Variants in DOK5 observed in about 807,000 individuals in gnomAD.
DOK5 encodes downstream of tyrosine kinase 5.
A neutral mutation model predicts 43.3 loss-of-function variants in DOK5; 27 were observed. The ratio of observed to expected loss-of-function variants is 0.62; its 90% CI spans 0.46 to 0.86. The LOEUF (loss-of-function observed/expected upper bound fraction) is 0.86. DOK5 is among the 40% of genes least tolerant of loss of function. The pLI, the probability that DOK5 is intolerant of heterozygous loss-of-function variation, is 0.00. For synonymous variants in DOK5, 146 were observed against 140.1 expected, an observed-to-expected ratio of 1.04 and a Z score of -0.30; for missense variants, 373 against 392.9, an observed-to-expected ratio of 0.95 and a Z score of 0.43.
At chr20:54,592,100 TAAA>T (rs1985993938) in intron 5 of DOK5, among the ~76,000 whole-genome samples, 1 of 152,192 alleles carries the variant, frequency 6.6e-6, no homozygotes, top group Admixed American at 6.5e-5. Context: ...GTAAAAATGT[TAAA>T]AAGGTACCAT....
chr20:54,616,951 G>A (rs149675884), intron 6 of DOK5, among the ~76,000 whole-genome samples: 176 of 151,718 alleles, frequency 1.2e-3, no homozygotes, highest in South Asian at 5.0e-3. Flanking sequence ...CACCACACCC[G>A]GCTAATTTTT....
At chr20:54,483,286 C>G (rs972429316) in intron 1 of DOK5, among the ~76,000 whole-genome samples, 2 of 152,118 alleles carry the variant, frequency 1.3e-5, no homozygotes, top group African/African-American at 4.8e-5. Context: ...ATTTTTAAAG[C>G]AGCTTTGTAA....
intron 1 of DOK5, among the ~76,000 whole-genome samples, chr20:54,515,066 A>T (rs1267198482): frequency 6.6e-6 from 1 of 151,872 alleles, no homozygotes; most frequent in Non-Finnish European, 1.5e-5. Context: ...GCTGGAGTGC[A>T]ATGGTGCGAT....
At chr20:54,535,129 C>A (rs1162908928) in intron 1 of DOK5, among the ~76,000 whole-genome samples, 2 of 152,152 alleles carry the variant, frequency 1.3e-5, no homozygotes, top group East Asian at 3.9e-4. Context: ...CCACACCCAG[C>A]CGAAAACATG....
At chr20:54,568,015 T>C (rs530657460) in intron 2 of DOK5, among the ~76,000 whole-genome samples, 2 of 152,330 alleles carry the variant, frequency 1.3e-5, no homozygotes, top group East Asian at 1.9e-4. Context: ...AAAACAATCA[T>C]CTAGTTTTCT....
At chr20:54,525,876 C>T (rs1983555801) in intron 1 of DOK5, among the ~76,000 whole-genome samples, 1 of 152,204 alleles carries the variant, frequency 6.6e-6, no homozygotes. Flanking sequence ...TTCCCATTTG[C>T]TGATTCAATG....
chr20:54,492,036 A>G (rs1982198064), intron 1 of DOK5, among the ~76,000 whole-genome samples: 1 of 152,030 alleles, frequency 6.6e-6, no homozygotes, highest in Non-Finnish European at 1.5e-5. Flanking sequence ...AAAGGATATC[A>G]TATGTATATA....
intron 6 of DOK5, among the ~76,000 whole-genome samples, chr20:54,621,419 C>T (rs1055794047): frequency 1.3e-5 from 2 of 152,174 alleles, no homozygotes; most frequent in Non-Finnish European, 2.9e-5. Flanking sequence ...TGGCTGGGTG[C>T]GGTGGCTCAC....
chr20:54,642,206 C>T (rs779913665), intron 6 of DOK5, among the ~76,000 whole-genome samples: 5 of 152,014 alleles, frequency 3.3e-5, no homozygotes, highest in Admixed American at 6.5e-5. Context: ...ATTCTTTCCC[C>T]GATGTGGTTG....
intron 6 of DOK5, among the ~76,000 whole-genome samples, chr20:54,633,812 T>C (rs895917487): frequency 6.6e-6 from 1 of 152,244 alleles, no homozygotes; most frequent in Non-Finnish European, 1.5e-5. Context: ...ATAGTGAAGA[T>C]TTGTGCTCGT....
At chr20:54,591,907 T>C in intron 5 of DOK5, 102 bp downstream of exon 5, 1 of 1,016,280 alleles carries the variant, frequency 9.8e-7, no homozygotes, top group Non-Finnish European at 1.4e-6. Flanking sequence ...ACATATGAGA[T>C]CCAGCTGAAG....
intron 2 of DOK5, among the ~76,000 whole-genome samples, chr20:54,585,630 G>C (rs527493199): frequency 6.6e-5 from 10 of 152,334 alleles, no homozygotes; most frequent in African/African-American, 2.4e-4. Flanking sequence ...GCCTCTGGTT[G>C]AAAGTGTTTA....
chr20:54,528,077 A>T (rs533277156), intron 1 of DOK5, among the ~76,000 whole-genome samples: 61 of 152,098 alleles, frequency 4.0e-4, no homozygotes, highest in African/African-American at 1.3e-3. Flanking sequence ...GCGTGATGGT[A>T]GGCGCCTGTA....
chr20:54,550,180 C>CAAAA (rs11483522), intron 1 of DOK5, among the ~76,000 whole-genome samples: 2 of 87,434 alleles, frequency 2.3e-5, no homozygotes, highest in African/African-American at 3.3e-5. Flanking sequence ...GATTGGATGG[C>CAAAA]AAAAAAAAAA....
chr20:54,521,586 G>C (rs1429078751), intron 1 of DOK5, among the ~76,000 whole-genome samples: 2 of 152,172 alleles, frequency 1.3e-5, no homozygotes, highest in African/African-American at 4.8e-5. Flanking sequence ...TCCTCTTGAG[G>C]GATGCCATCC....
chr20:54,633,522 A>C (rs993603686), intron 6 of DOK5, among the ~76,000 whole-genome samples: 1 of 152,184 alleles, frequency 6.6e-6, no homozygotes, highest in East Asian at 1.9e-4. Flanking sequence ...ACATATATGA[A>C]ACGGAAGATA....
chr20:54,608,940 G>C (rs185914936), intron 5 of DOK5, among the ~76,000 whole-genome samples: 1 of 152,134 alleles, frequency 6.6e-6, no homozygotes, highest in African/African-American at 2.4e-5. Context: ...CTCCCAAAGT[G>C]CTGGGATTAC....
intron 2 of DOK5, among the ~76,000 whole-genome samples, chr20:54,574,034 C>T (rs559478790): frequency 1.1e-4 from 17 of 152,212 alleles, no homozygotes; most frequent in Admixed American, 4.6e-4. Flanking sequence ...ATGCTGGAGC[C>T]AAAAAGCACA....
At chr20:54,557,611 C>G (rs781565139) in intron 2 of DOK5, among the ~76,000 whole-genome samples, 1 of 152,230 alleles carries the variant, frequency 6.6e-6, no homozygotes, top group Non-Finnish European at 1.5e-5. Context: ...CCTTCCTCTT[C>G]TCCAGGTGCC....
Sources: allele counts gnomAD v4.1 joint callset (sites outside exome capture counted in the v4.1 genomes callset), GRCh38; gene constraint gnomAD v4.1.1; transcripts MANE v1.5; gene names NCBI Gene and HGNC (gene_info 2026-07-23, HGNC 2026-07-21).